Variants in PCDHGA7 observed in about 807,000 individuals in gnomAD.
PCDHGA7 encodes protocadherin gamma subfamily A, 7.
PCDHGA7 carries 44 observed loss-of-function variants against 58.3 expected under a neutral mutation model. That is an observed-to-expected ratio of 0.75 (90% confidence interval 0.59 to 0.97). PCDHGA7 has a LOEUF of 0.97. Ranked by LOEUF, PCDHGA7 falls within the 50% of genes least tolerant of loss-of-function variation. The pLI is 0.00. For synonymous variants in PCDHGA7, 516 were observed against 504.2 expected, an observed-to-expected ratio of 1.02 and a Z score of -0.31; for missense variants, 1,266 against 1,188.7, an observed-to-expected ratio of 1.06 and a Z score of -0.96.
intron 1 of PCDHGA7, among the ~76,000 whole-genome samples, chr5:141,492,226 C>T (rs1365682179): frequency 6.6e-6 from 1 of 152,178 alleles, no homozygotes; most frequent in Non-Finnish European, 1.5e-5. Flanking sequence ...CATGCGTGTC[C>T]TCCCTGCTGG....
intron 2 of PCDHGA7, among the ~76,000 whole-genome samples, chr5:141,497,977 G>A (rs1368982839): frequency 6.6e-6 from 1 of 152,216 alleles, no homozygotes; most frequent in Admixed American, 6.5e-5. Context: ...CTCGATGTGG[G>A]AGGCCCCTGC....
At chr5:141,393,458 G>T (rs181214352) in intron 1 of PCDHGA7, 4 of 1,613,902 alleles carry the variant, frequency 2.5e-6, no homozygotes, top group Non-Finnish European at 3.4e-6. Context: ...TCACGGCCTC[G>T]GATGGCGGCA....
At chr5:141,480,871 C>T (rs1262582761) in intron 1 of PCDHGA7, among the ~76,000 whole-genome samples, 1 of 151,930 alleles carries the variant, frequency 6.6e-6, no homozygotes, top group Non-Finnish European at 1.5e-5. Context: ...ATGGTGAAAC[C>T]CCGTCTCTAC....
rs188874944 is a variant in PCDHGA7, at chr5:141,446,708, C to T, written c.2425-48099C>T. Among the ~76,000 whole-genome samples, 183 of 152,314 alleles carry T rather than the reference C, an allele frequency of 1.2e-3. 1 individual carries two copies. The highest frequency in any genetic ancestry group is 2.1e-3 in the Admixed American group (32 of 15,302). On this transcript the variant is annotated intron_variant, in intron 1 of 3. Coordinates refer to ENST00000518325, the MANE Select transcript of PCDHGA7 (RefSeq NM_018920.4). ...GGCCAGGCTGGTCTCGAACTCTGAT[C>T]TGCCCGCCTCGGCCTCCCAAAGTGT...
rs771356119 is a variant in PCDHGA7 at position 141,385,251 on chromosome 5, C to G, written c.2352C>G (p.Ser784Arg). Reference sequence around the variant, plus strand: ...TAGACATGCTCATCAGCCAGGAGAGCTGTGAGAAAAATGATTCTTTGCTAA... The same window carrying G: ...TAGACATGCTCATCAGCCAGGAGAGGTGTGAGAAAAATGATTCTTTGCTAA... ...NYVDMLISQE[S>R]CEKNDSLLTS... Residue 784 changes from serine to arginine, a missense_variant, in exon 1 of 4, where the codon AGC becomes AGG. Ser to Arg is a moderately radical substitution (Grantham distance 110). Coordinates refer to ENST00000518325, the MANE Select transcript of PCDHGA7 (RefSeq NM_018920.4). The G allele has an allele frequency of 1.2e-5, 19 of 1,613,660 alleles. No individual in the cohort carries two copies. The Admixed American group carries it at 1.8e-4, about 16-fold the overall frequency.
intron 1 of PCDHGA7, chr5:141,422,543 T>A: frequency 3.1e-6 from 5 of 1,614,000 alleles, no homozygotes; most frequent in Non-Finnish European, 4.2e-6. Flanking sequence ...GAAACTCATG[T>A]CTGGCTGAAT....
At chr5:141,413,132 A>G in intron 1 of PCDHGA7, 1 of 1,542,144 alleles carries the variant, frequency 6.5e-7, no homozygotes, top group Non-Finnish European at 8.7e-7. Context: ...GAAACACACA[A>G]CGTGTCCAGT....
intron 1 of PCDHGA7, chr5:141,475,814 TC>T: frequency 3.0e-6 from 1 of 338,520 alleles, no homozygotes; most frequent in Non-Finnish European, 5.4e-6. Flanking sequence ...AAAGTGAAGT[TC>T]CTGGCGCTAG....
At chr5:141,414,026 C>A in intron 1 of PCDHGA7, 1 of 1,612,468 alleles carries the variant, frequency 6.2e-7, no homozygotes, top group Non-Finnish European at 8.5e-7. Flanking sequence ...GTGACATATT[C>A]ATTCCGAAAA....
In PCDHGA7 at chr5:141,383,504, G is replaced by T. The variant is rs373658496; in HGVS notation, c.605G>T (p.Arg202Leu). The T allele has an allele frequency of 6.2e-7, 1 of 1,612,766 alleles. No homozygotes were observed. Among genetic ancestry groups the T allele is most frequent in the South Asian group, 1.1e-5 (1 of 90,938 alleles). ...CTGGTGCTGGAGCGGGTGCTGGACC[G>T]GGAGGAAGAGCGGGTTCACCACCTG... ...PELVLERVLD[R>L]EEERVHHLVL... Residue 202 changes from arginine to leucine, a missense_variant, in exon 1 of 4, where the codon CGG becomes CTG. Transcript: ENST00000518325.
intron 1 of PCDHGA7, chr5:141,441,470 C>G (rs1170727138): frequency 5.9e-6 from 1 of 168,868 alleles, no homozygotes; most frequent in East Asian, 1.9e-4. Context: ...ATTGGCGATG[C>G]CAACGACAAT....
chr5:141,417,613 G>A (rs984573855), intron 1 of PCDHGA7: 2 of 624,312 alleles, frequency 3.2e-6, no homozygotes, highest in African/African-American at 3.7e-5. Flanking sequence ...GTCGGCCAGT[G>A]CAGAGCAAGC....
At chr5:141,415,438 C>A in intron 1 of PCDHGA7, 1 of 1,614,218 alleles carries the variant, frequency 6.2e-7, no homozygotes, top group South Asian at 1.1e-5. Flanking sequence ...GGCTTTCCTG[C>A]AGACCTATTC....
intron 2 of PCDHGA7, among the ~76,000 whole-genome samples, chr5:141,496,189 G>A (rs1362938002): frequency 1.3e-5 from 2 of 152,004 alleles, no homozygotes; most frequent in Admixed American, 6.6e-5. Flanking sequence ...AGCCCCAGCT[G>A]CTCATTTCAA....
Position 141,491,916 on chromosome 5 carries a change from G to T in PCDHGA7, c.2425-2891G>T. ...GAGCACCGGGGGTGGTGGCGACTGT[G>T]GGCGAGGGGAGGTGGGACCGACCCC... On this transcript the variant is annotated intron_variant, in intron 1 of 3. Transcript: ENST00000518325. The surrounding 1 kb of genome is among the most constrained non-coding windows in gnomAD (Gnocchi z 6.9). 2 of 1,386,662 alleles carry T rather than the reference G, an allele frequency of 1.4e-6. No homozygotes were observed. Among genetic ancestry groups the T allele is most frequent in the African/African-American group, 1.5e-5 (1 of 68,510 alleles). The allele number at this position is 1,386,662 out of a possible 1,614,324, so 85.9% of individuals were successfully genotyped here.
intron 1 of PCDHGA7, chr5:141,420,315 A>G (rs755723069): frequency 6.2e-6 from 9 of 1,440,144 alleles, no homozygotes; most frequent in Non-Finnish European, 8.4e-6. Context: ...TTATATTACA[A>G]TATGCCAATA....
chr5:141,430,970 A>G (rs1026736997), intron 1 of PCDHGA7: 3 of 1,613,068 alleles, frequency 1.9e-6, no homozygotes, highest in Non-Finnish European at 2.5e-6. Context: ...CCCCAGAGGT[A>G]GGACGCAGCT....
intron 1 of PCDHGA7, chr5:141,413,201 A>G (rs746209535): frequency 1.9e-6 from 3 of 1,611,954 alleles, no homozygotes; most frequent in Non-Finnish European, 2.5e-6. Context: ...AATCGCTCAA[A>G]GGAATCAAAG....
chr5:141,418,063 G>T (rs2015825), intron 1 of PCDHGA7: 734,858 of 1,613,808 alleles, frequency 0.46, 174,471 homozygotes, highest in African/African-American at 0.8. Flanking sequence ...AGCTGCGAGT[G>T]AGCGCGGAGA....
Sources: allele counts gnomAD v4.1 joint callset (sites outside exome capture counted in the v4.1 genomes callset), GRCh38; gene constraint gnomAD v4.1.1; non-coding constraint Gnocchi (gnomAD v3.1); transcripts MANE v1.5; gene names NCBI Gene and HGNC (gene_info 2026-07-23, HGNC 2026-07-21).